Variants in GRID1 observed in about 807,000 individuals in gnomAD.
The protein encoded by GRID1 is glutamate receptor ionotropic, delta-1.
Under a neutral mutation model 98.0 loss-of-function variants are expected in GRID1, and 28 were observed. That is an observed-to-expected ratio of 0.29 (90% CI 0.21 to 0.39). The LOEUF is 0.39. Among genes scored for constraint, GRID1 ranks in the 10% least tolerant of loss-of-function variants. The pLI is 1.00. For missense variants in GRID1, 1,111 were observed against 1,340.5 expected (o/e 0.83, Z 2.67); for synonymous variants, 553 against 538.5 (o/e 1.03, Z -0.37).
intron 2 of GRID1, among the ~76,000 whole-genome samples, chr10:86,268,926 G>T (rs560337352): frequency 2.0e-5 from 3 of 150,536 alleles, no homozygotes; most frequent in Admixed American, 6.6e-5. Context: ...TGAGGCGGAG[G>T]TTGCAGTGAG....
At chr10:85,637,871 T>C (rs1843068226) in intron 13 of GRID1, among the ~76,000 whole-genome samples, 3 of 152,328 alleles carry the variant, frequency 2.0e-5, no homozygotes, top group African/African-American at 7.2e-5. Flanking sequence ...ATTAAATCAA[T>C]TGCAGCCATT....
In GRID1 at chr10:86,118,340, T is replaced by A. The variant is rs1376845957; in HGVS notation, c.726+20479A>T. 2.6e-5 allele frequency among the ~76,000 whole-genome samples: 4 copies of A among 151,870 alleles called. No homozygotes were observed. The East Asian group carries it at 7.7e-4, about 29-fold the overall frequency. Reference sequence around the variant, plus strand: ...GACTTTGGAGACTCGGGGGAAAGGGTGGGGGCTGGCAAGGAATAAAAGACT... The same window carrying A: ...GACTTTGGAGACTCGGGGGAAAGGGAGGGGGCTGGCAAGGAATAAAAGACT... On this transcript the variant is annotated intron_variant, in intron 4 of 15. Coordinates refer to ENST00000327946, the MANE Select transcript of GRID1 (RefSeq NM_017551.3).
intron 13 of GRID1, among the ~76,000 whole-genome samples, chr10:85,626,567 C>T (rs1190400846): frequency 3.3e-5 from 5 of 152,192 alleles, no homozygotes; most frequent in African/African-American, 1.2e-4. Context: ...TCTTTGGAAA[C>T]CTGACACATT....
chr10:86,097,606 T>A (rs543792910), intron 4 of GRID1, among the ~76,000 whole-genome samples: 1 of 152,292 alleles, frequency 6.6e-6, no homozygotes, highest in Non-Finnish European at 1.5e-5. Context: ...TCTGGAGAAC[T>A]TTAATACAAA....
At chr10:86,178,133 A>G (rs1010395951) in intron 3 of GRID1, among the ~76,000 whole-genome samples, 3 of 152,238 alleles carry the variant, frequency 2.0e-5, no homozygotes, top group Admixed American at 6.5e-5. Flanking sequence ...CTCCAAAGTC[A>G]GTTCCCCAAG....
chr10:86,142,196 G>A (rs551717827), intron 3 of GRID1, among the ~76,000 whole-genome samples: 8 of 152,162 alleles, frequency 5.3e-5, no homozygotes, highest in South Asian at 2.1e-4. Flanking sequence ...ATGCACAAGC[G>A]AGCCCAGAGC....
chr10:86,321,299 G>T (rs1457676017), intron 2 of GRID1, among the ~76,000 whole-genome samples: 2 of 152,006 alleles, frequency 1.3e-5, no homozygotes, highest in African/African-American at 4.8e-5. Context: ...AATCTCTTCT[G>T]CAACAAGGTC....
At chr10:86,069,058 T>C (rs1263430825) in intron 4 of GRID1, among the ~76,000 whole-genome samples, 1 of 152,070 alleles carries the variant, frequency 6.6e-6, no homozygotes, top group Admixed American at 6.5e-5. Context: ...AGGGGGAGTA[T>C]ATGCAGACTG....
At chr10:85,745,614 C>G (rs1402732078) in intron 8 of GRID1, among the ~76,000 whole-genome samples, 2 of 131,860 alleles carry the variant, frequency 1.5e-5, no homozygotes, top group Non-Finnish European at 3.2e-5. Context: ...GGAGATATAC[C>G]TAATGCTAGA....
At chr10:85,967,315 T>C (rs1842350205) in intron 4 of GRID1, among the ~76,000 whole-genome samples, 1 of 151,734 alleles carries the variant, frequency 6.6e-6, no homozygotes, top group Non-Finnish European at 1.5e-5. Context: ...AACAAGTATA[T>C]AGCAACAGCA....
intron 4 of GRID1, among the ~76,000 whole-genome samples, chr10:85,941,303 T>C (rs1318467873): frequency 6.6e-6 from 1 of 152,228 alleles, no homozygotes; most frequent in East Asian, 1.9e-4. Flanking sequence ...TTTAATAGCA[T>C]GGGAAAATGC....
intron 4 of GRID1, among the ~76,000 whole-genome samples, chr10:86,100,921 G>A (rs1191667611): frequency 6.6e-6 from 1 of 152,160 alleles, no homozygotes; most frequent in Non-Finnish European, 1.5e-5. Flanking sequence ...CCACCAACCT[G>A]TAGGGTGCAT....
At chr10:85,949,602 C>T (rs564332869) in intron 4 of GRID1, among the ~76,000 whole-genome samples, 1 of 152,228 alleles carries the variant, frequency 6.6e-6, no homozygotes, top group East Asian at 1.9e-4. Flanking sequence ...ATTGTTTGTG[C>T]TCTGATGAGC....
chr10:85,639,456 G>A (rs1025440488), intron 13 of GRID1, among the ~76,000 whole-genome samples: 2 of 152,170 alleles, frequency 1.3e-5, no homozygotes, highest in Non-Finnish European at 2.9e-5. Flanking sequence ...AAGTTTTGCA[G>A]GTAATGGAAA....
chr10:85,923,682 A>C (rs1841736917), intron 4 of GRID1, among the ~76,000 whole-genome samples: 1 of 152,226 alleles, frequency 6.6e-6, no homozygotes. Context: ...CCAGAAAGTC[A>C]GTGTAACCAG....
chr10:86,000,799 T>C (rs1183991457), intron 4 of GRID1, among the ~76,000 whole-genome samples: 1 of 152,114 alleles, frequency 6.6e-6, no homozygotes, highest in Non-Finnish European at 1.5e-5. Flanking sequence ...TCTGGAAAAG[T>C]TTGATAGTTT....
intron 4 of GRID1, among the ~76,000 whole-genome samples, chr10:85,977,885 G>A (rs1842493333): frequency 6.6e-6 from 1 of 152,122 alleles, no homozygotes; most frequent in Non-Finnish European, 1.5e-5. Context: ...ACATGCTTAG[G>A]AGCCTGGCAG....
chr10:86,259,409 G>A (rs576900174), intron 2 of GRID1, among the ~76,000 whole-genome samples: 21 of 152,232 alleles, frequency 1.4e-4, no homozygotes, highest in African/African-American at 4.6e-4. Context: ...CCTTGTGTGC[G>A]TGTAAACAAT....
rs34731943 is a variant in GRID1, at chr10:86,366,133, C to A, written c.79+181G>T. Among the ~76,000 whole-genome samples, 35,935 of 151,718 alleles carry A rather than the reference C, an allele frequency of 0.24. 4,906 individuals carry two copies. Among genetic ancestry groups the A allele is most frequent in the South Asian group, 0.45 (2,152 of 4,822 alleles). ...CGGAGCCCCGGGGAGCGGCAAGCAG[C>A]CAGCGGGAGCGCGGCGCGGCCGGTG... On this transcript the variant is annotated intron_variant, in intron 1 of 15. Coordinates refer to ENST00000327946, the MANE Select transcript of GRID1 (RefSeq NM_017551.3). The surrounding 1 kb of genome is among the most constrained non-coding windows in gnomAD (Gnocchi z 4.1).
Sources: gnomAD v4.1 joint callset for allele counts (sites outside exome capture counted in the v4.1 genomes callset) on GRCh38, gnomAD v4.1.1 for gene constraint, Gnocchi (gnomAD v3.1) non-coding constraint, MANE v1.5 for transcripts, NCBI Gene and HGNC (gene_info 2026-07-23, HGNC 2026-07-21) for gene names.